Variants in SCMH1 observed in about 807,000 individuals in gnomAD.
SCMH1 encodes Scm polycomb group protein homolog 1, also known as polycomb protein SCMH1.
A neutral mutation model predicts 70.8 loss-of-function variants in SCMH1; 37 were observed. The observed-to-expected ratio is 0.52, with a 90% CI of 0.40 to 0.69. The LOEUF is 0.69. Ranked by LOEUF, SCMH1 falls within the 30% of genes least tolerant of loss-of-function variation. SCMH1 has a pLI of 0.00. For synonymous variants in SCMH1, 292 were observed against 307.4 expected (o/e 0.95, Z 0.52); for missense variants, 607 against 827.3 (o/e 0.73, Z 3.27).
chr1:41,237,207 G>A lies in SCMH1; in HGVS notation c.-118+4852C>T, dbSNP rs746081262. Among the ~76,000 whole-genome samples, 39 of 152,008 alleles carry A rather than the reference G, an allele frequency of 2.6e-4. 1 individual carries two copies. Among genetic ancestry groups the A allele is most frequent in the Admixed American group, 1.8e-3 (28 of 15,268 alleles). ...CCTTTAAAATCCTAATCAGTATGGC[G>A]GAATAAAAAAGACAGAATTTGAAAT... On this transcript the variant is annotated intron_variant, in intron 1 of 14. Transcript: ENST00000337495.
chr1:41,178,529 G>T (rs530933663), intron 2 of SCMH1, among the ~76,000 whole-genome samples: 70 of 152,274 alleles, frequency 4.6e-4, no homozygotes, highest in Non-Finnish European at 7.5e-4. Flanking sequence ...AAAATAAAGG[G>T]ATGGAGGAAG....
chr1:41,196,802 T>C (rs1388048514), intron 1 of SCMH1, among the ~76,000 whole-genome samples: 3 of 152,146 alleles, frequency 2.0e-5, no homozygotes, highest in Non-Finnish European at 2.9e-5. Flanking sequence ...ATCATGTTTG[T>C]AGTCTGTCGA....
intron 1 of SCMH1, among the ~76,000 whole-genome samples, chr1:41,237,620 A>G (rs74070732): frequency 0.013 from 1,962 of 152,318 alleles, 41 homozygotes; most frequent in African/African-American, 0.045. Context: ...AGCTTTTACA[A>G]ATACAATACT....
intron 1 of SCMH1, among the ~76,000 whole-genome samples, chr1:41,210,914 A>T (rs1325382697): frequency 6.6e-6 from 1 of 151,614 alleles, no homozygotes; most frequent in Non-Finnish European, 1.5e-5. Flanking sequence ...GGCTCAAGCG[A>T]TTCTCCTGCC....
chr1:41,057,277 G>GTTT (rs1650723973), intron 10 of SCMH1, among the ~76,000 whole-genome samples: 1 of 151,938 alleles, frequency 6.6e-6, no homozygotes, highest in Admixed American at 6.6e-5. Context: ...TTGTTTGTTT[G>GTTT]TTTTTTGAGA....
chr1:41,209,193 A>G (rs1476590820), intron 1 of SCMH1, among the ~76,000 whole-genome samples: 1 of 152,240 alleles, frequency 6.6e-6, no homozygotes, highest in Non-Finnish European at 1.5e-5. Context: ...GAATAGACCA[A>G]TAACAGGATC....
chr1:41,091,088 A>G (rs997364709), intron 8 of SCMH1, among the ~76,000 whole-genome samples: 1 of 151,648 alleles, frequency 6.6e-6, no homozygotes, highest in African/African-American at 2.4e-5. Context: ...ACAAAAAAAG[A>G]CACTTTTAGA....
At chr1:41,037,204 C>T (rs1645428500) in intron 13 of SCMH1, among the ~76,000 whole-genome samples, 158 bp downstream of exon 13, 1 of 152,138 alleles carries the variant, frequency 6.6e-6, no homozygotes, top group Non-Finnish European at 1.5e-5. Context: ...CAATTACCTC[C>T]CAGGTGCAAG....
At chr1:41,238,375 T>C (rs1432463401) in intron 1 of SCMH1, among the ~76,000 whole-genome samples, 1 of 152,170 alleles carries the variant, frequency 6.6e-6, no homozygotes, top group African/African-American at 2.4e-5. Context: ...ATGATTAATA[T>C]GAGTCCTGAA....
intron 13 of SCMH1, among the ~76,000 whole-genome samples, chr1:41,031,143 G>A (rs1441785738): frequency 2.6e-5 from 4 of 152,178 alleles, no homozygotes; most frequent in Admixed American, 1.3e-4. Context: ...AAAAAAATCA[G>A]CTGGGTGTGG....
chr1:41,167,918 T>C (rs1305397196), intron 2 of SCMH1, among the ~76,000 whole-genome samples: 14 of 151,510 alleles, frequency 9.2e-5, no homozygotes, highest in African/African-American at 3.4e-4. Flanking sequence ...TTTTGTTTTT[T>C]TTTTTTTTTT....
chr1:41,155,395 C>T (rs1645426836), intron 4 of SCMH1, among the ~76,000 whole-genome samples: 1 of 151,992 alleles, frequency 6.6e-6, no homozygotes, highest in African/African-American at 2.4e-5. Flanking sequence ...TACAATACAG[C>T]CAAAGTTTGC....
intron 8 of SCMH1, among the ~76,000 whole-genome samples, chr1:41,108,967 T>C (rs1288091253): frequency 6.6e-6 from 1 of 152,214 alleles, no homozygotes; most frequent in African/African-American, 2.4e-5. Context: ...ATACTTTTTC[T>C]TTCCTATTTT....
intron 6 of SCMH1, among the ~76,000 whole-genome samples, chr1:41,134,974 G>T (rs1300499682): frequency 6.6e-6 from 1 of 151,776 alleles, no homozygotes; most frequent in Middle Eastern, 3.2e-3. Flanking sequence ...TTTTTAATAT[G>T]TTGAATTCTA....
At chr1:41,060,711 C>T (rs574179098) in intron 10 of SCMH1, among the ~76,000 whole-genome samples, 15 of 152,120 alleles carry the variant, frequency 9.9e-5, no homozygotes, top group Non-Finnish European at 2.1e-4. Flanking sequence ...GTGGTACTAT[C>T]GTAACTCACT....
chr1:41,090,634 AT>A (rs1379994251), intron 8 of SCMH1, among the ~76,000 whole-genome samples: 1 of 152,210 alleles, frequency 6.6e-6, no homozygotes, highest in African/African-American at 2.4e-5. Context: ...CATGTACCCC[AT>A]AAATATGTAT....
At chr1:41,121,922 T>A (rs927155851) in intron 6 of SCMH1, among the ~76,000 whole-genome samples, 1 of 152,064 alleles carries the variant, frequency 6.6e-6, no homozygotes, top group Non-Finnish European at 1.5e-5. Context: ...CCAAACCCAA[T>A]TAATCAGCAA....
chr1:41,151,014 C>T (rs959033350), intron 5 of SCMH1, among the ~76,000 whole-genome samples: 4 of 151,752 alleles, frequency 2.6e-5, no homozygotes, highest in African/African-American at 9.7e-5. Context: ...GGAAATAACC[C>T]TTGAGTACTA....
chr1:41,049,824 G>A (rs1327592591), intron 10 of SCMH1, among the ~76,000 whole-genome samples: 1 of 150,566 alleles, frequency 6.6e-6, no homozygotes, highest in Non-Finnish European at 1.5e-5. Context: ...AGCACTTTGT[G>A]AGGCTGAGGC....
Sources: gnomAD v4.1 joint callset for allele counts (sites outside exome capture counted in the v4.1 genomes callset) on GRCh38, gnomAD v4.1.1 for gene constraint, MANE v1.5 for transcripts, NCBI Gene and HGNC (gene_info 2026-07-23, HGNC 2026-07-21) for gene names.